Variants in CDH23 observed in about 807,000 individuals in gnomAD.
CDH23 encodes cadherin-23.
A neutral mutation model predicts 317.1 loss-of-function variants in CDH23; 189 were observed. That is an observed-to-expected ratio of 0.60 (90% confidence interval 0.53 to 0.67). The LOEUF is 0.67. CDH23 is among the 30% of genes least tolerant of loss of function. CDH23 has a pLI of 0.00. For synonymous variants in CDH23, 1,839 were observed against 1,876.8 expected (o/e 0.98, Z 0.52); for missense variants, 4,401 against 4,592.4 (o/e 0.96, Z 1.20).
intron 38 of CDH23, among the ~76,000 whole-genome samples, chr10:71,767,148 A>AGG (rs1299649510): frequency 6.6e-5 from 10 of 152,332 alleles, no homozygotes; most frequent in Admixed American, 5.9e-4. Flanking sequence ...TACAAGGGAA[A>AGG]GGAGCTCTTG....
chr10:71,427,193 A>G lies in CDH23; in HGVS notation c.-5-12634A>G, dbSNP rs1353779010. ...AAAGAAAGAAGGAAGGAAGGAAGGA[A>G]AGAGAAAGAAAGAAAGAAAGAAAGA... On this transcript the variant is annotated intron_variant, in intron 1 of 69. Coordinates refer to ENST00000224721, the MANE Select transcript of CDH23 (RefSeq NM_022124.6). 1.1e-3 allele frequency among the ~76,000 whole-genome samples: 11 copies of G among 10,356 alleles called. No individual in the cohort carries two copies. In the Admixed American group the frequency reaches 0.011, roughly 11 times the overall value. The allele number at this position is 10,356 out of a possible 152,430, so 6.8% of individuals were successfully genotyped here. A position where few individuals can be genotyped will look rare whatever the true frequency, so the allele number is the denominator to read the frequency against.
At chr10:71,564,464 G>A (rs1857289479) in intron 6 of CDH23, among the ~76,000 whole-genome samples, 1 of 152,182 alleles carries the variant, frequency 6.6e-6, no homozygotes, top group Admixed American at 6.5e-5. Flanking sequence ...TTCACCGCAG[G>A]GCATGAAACA....
chr10:71,732,970 A>G (rs2132828164), intron 32 of CDH23, among the ~76,000 whole-genome samples: 1 of 152,262 alleles, frequency 6.6e-6, no homozygotes, highest in East Asian at 1.9e-4. Flanking sequence ...AGTAGACACC[A>G]TAGTGTCAGA....
intron 9 of CDH23, among the ~76,000 whole-genome samples, chr10:71,597,498 A>G (rs1024904315): frequency 8.5e-5 from 13 of 152,080 alleles, no homozygotes; most frequent in African/African-American, 3.1e-4. Flanking sequence ...CCACAGGTAC[A>G]GGGCTGTCAA....
intron 21 of CDH23, 64 bp from the exon 22 acceptor site, chr10:71,695,354 G>C (rs1381759869): frequency 5.1e-6 from 6 of 1,173,792 alleles, no homozygotes; most frequent in Non-Finnish European, 7.7e-6. Flanking sequence ...CTTTTCCCCT[G>C]GCAGGCCCTG....
At position 71,804,279 on chromosome 10, in the gene CDH23, C is replaced by T. The variant is rs557692079; in HGVS notation, c.7872+859C>T. Among the ~76,000 whole-genome samples, 3 of 152,254 alleles carry T rather than the reference C, an allele frequency of 2.0e-5. No individual in the cohort carries two copies. In the South Asian group the frequency reaches 6.2e-4, roughly 32 times the overall value. On this transcript the variant is annotated intron_variant, in intron 55 of 69. Transcript: ENST00000224721. ...AGACAGCCTAGGAGCTGAGGCTGAG[C>T]ATCAAAATAAGAAATGAGGGGAAGT...
At chr10:71,627,647 G>C (rs7068154) in intron 11 of CDH23, among the ~76,000 whole-genome samples, 79,096 of 152,004 alleles carry the variant, frequency 0.52, 21,617 homozygotes, top group Non-Finnish European at 0.63. Context: ...GCCGGTTCCC[G>C]CAGCTCCCAG....
intron 11 of CDH23, among the ~76,000 whole-genome samples, chr10:71,636,620 C>T (rs996485835): frequency 5.3e-5 from 8 of 152,312 alleles, no homozygotes; most frequent in African/African-American, 1.9e-4. Context: ...GGGCCTTCCC[C>T]AGTTGCGTAG....
chr10:71,590,475 A>C (rs1193156414), intron 9 of CDH23, among the ~76,000 whole-genome samples: 2 of 152,044 alleles, frequency 1.3e-5, no homozygotes, highest in Non-Finnish European at 2.9e-5. Flanking sequence ...CCCCGCCCTC[A>C]CTTGTAGGAT....
chr10:71,557,270 T>C (rs1304219110), intron 6 of CDH23, among the ~76,000 whole-genome samples: 1 of 152,270 alleles, frequency 6.6e-6, no homozygotes, highest in East Asian at 1.9e-4. Flanking sequence ...TTTCTTAGTG[T>C]TCCTTAATGC....
intron 3 of CDH23, among the ~76,000 whole-genome samples, chr10:71,497,915 T>C (rs999634619): frequency 6.6e-6 from 1 of 152,204 alleles, no homozygotes; most frequent in African/African-American, 2.4e-5. Flanking sequence ...CCCTCCCCTG[T>C]GTGCATCGTG....
At chr10:71,411,507 T>C (rs1349607103) in intron 1 of CDH23, among the ~76,000 whole-genome samples, 1 of 152,154 alleles carries the variant, frequency 6.6e-6, no homozygotes, top group East Asian at 1.9e-4. Flanking sequence ...TTATAGGTTA[T>C]TGCATTTTTT....
At chr10:71,594,603 C>G (rs117363844) in intron 9 of CDH23, among the ~76,000 whole-genome samples, 5 of 152,082 alleles carry the variant, frequency 3.3e-5, no homozygotes, top group Non-Finnish European at 7.4e-5. Flanking sequence ...CTTGAACTCC[C>G]GACCTCAGGT....
intron 9 of CDH23, among the ~76,000 whole-genome samples, chr10:71,578,869 C>T (rs1199932120): frequency 1.3e-5 from 2 of 152,210 alleles, no homozygotes; most frequent in Non-Finnish European, 2.9e-5. Flanking sequence ...TACCATACCC[C>T]CACATCCCCA....
At chr10:71,583,298 A>T (rs1253448486) in intron 9 of CDH23, among the ~76,000 whole-genome samples, 1 of 151,926 alleles carries the variant, frequency 6.6e-6, no homozygotes, top group Non-Finnish European at 1.5e-5. Flanking sequence ...AGGGCGGGCC[A>T]TGCAGCATGT....
intron 1 of CDH23, among the ~76,000 whole-genome samples, chr10:71,424,546 G>C (rs964704276): frequency 3.9e-5 from 6 of 152,176 alleles, no homozygotes; most frequent in Non-Finnish European, 7.3e-5. Context: ...ATCCCCACAG[G>C]GATCCCCTTC....
chr10:71,547,920 G>A (rs1471781678), intron 6 of CDH23, among the ~76,000 whole-genome samples: 1 of 152,228 alleles, frequency 6.6e-6, no homozygotes, highest in African/African-American at 2.4e-5. Context: ...GGGCTAAGCA[G>A]CCACTTGGCG....
intron 3 of CDH23, among the ~76,000 whole-genome samples, chr10:71,497,627 T>A (rs1226492994): frequency 2.0e-5 from 3 of 152,202 alleles, no homozygotes; most frequent in Non-Finnish European, 2.9e-5. Flanking sequence ...TGCCTGTCTA[T>A]CCTCCGCTGC....
In CDH23 at chr10:71,709,142, G is replaced by A. The variant is rs876657439; in HGVS notation, c.3151G>A (p.Val1051Ile). The A allele has an allele frequency of 3.1e-6, 5 of 1,613,850 alleles. No individual in the cohort carries two copies. The highest frequency in any genetic ancestry group is 2.7e-5 in the African/African-American group (2 of 74,948). Residue 1051 changes from valine (V) to isoleucine (I), a missense_variant, in exon 27 of 70, where the codon GTT becomes ATT. Val to Ile is a conservative substitution (Grantham distance 29). Transcript: ENST00000224721. ...GTTCAGCGTGGGTTACCGCGATGCC[G>A]TTGTGAGAACCGTGGTGGGCCTGGA... ...GKFSVGYRDA[V>I]VRTVVGLDRE...
Sources: gnomAD v4.1 joint callset for allele counts (sites outside exome capture counted in the v4.1 genomes callset) on GRCh38, gnomAD v4.1.1 for gene constraint, MANE v1.5 for transcripts, NCBI Gene and HGNC (gene_info 2026-07-23, HGNC 2026-07-21) for gene names.